The following CSMD1 variants were observed in gnomAD, a reference collection of about 807,000 sequenced individuals.
CSMD1 encodes CUB and Sushi multiple domains 1.
CSMD1 carries 213 observed loss-of-function variants against 417.5 expected under a neutral mutation model. The observed-to-expected ratio is 0.51, with a 90% CI of 0.46 to 0.57. The LOEUF is 0.57. CSMD1 is among the 20% of genes least tolerant of loss of function. The pLI is 0.00. For missense variants in CSMD1, 6,923 were observed against 4,529.7 expected (o/e 1.53, Z -15.17); for synonymous variants, 2,862 against 1,736.8 (o/e 1.65, Z -16.11).
intron 2 of CSMD1, among the ~76,000 whole-genome samples, chr8:4,470,769 T>A (rs1800483502): frequency 6.6e-6 from 1 of 152,228 alleles, no homozygotes; most frequent in African/African-American, 2.4e-5. Context: ...TGGACCCAGA[T>A]TATTTAGACA....
chr8:4,990,414 A>T (rs1811400802), intron 1 of CSMD1, among the ~76,000 whole-genome samples: 1 of 151,664 alleles, frequency 6.6e-6, no homozygotes, highest in Admixed American at 6.6e-5. Context: ...CCCAGGCTGG[A>T]GTGCAATGGC....
intron 1 of CSMD1, among the ~76,000 whole-genome samples, chr8:4,666,964 G>A (rs549263194): frequency 6.6e-6 from 1 of 152,106 alleles, no homozygotes; most frequent in African/African-American, 2.4e-5. Context: ...AAATTTTTAT[G>A]TAATTTTTAT....
At chr8:4,139,117 C>G (rs376499791) in intron 3 of CSMD1, among the ~76,000 whole-genome samples, 2 of 152,146 alleles carry the variant, frequency 1.3e-5, no homozygotes, top group African/African-American at 4.8e-5. Flanking sequence ...ATGAAGACCC[C>G]TGTGATTCTA....
At chr8:4,772,279 G>C (rs1354132010) in intron 1 of CSMD1, among the ~76,000 whole-genome samples, 2 of 152,150 alleles carry the variant, frequency 1.3e-5, no homozygotes, top group African/African-American at 2.4e-5. Flanking sequence ...CAGTGAACCA[G>C]TCCTTTACAC....
chr8:4,878,874 G>C (rs1343897693), intron 1 of CSMD1, among the ~76,000 whole-genome samples: 1 of 151,174 alleles, frequency 6.6e-6, no homozygotes, highest in Non-Finnish European at 1.5e-5. Flanking sequence ...GCAGAACCCA[G>C]ACACACAAAA....
chr8:4,488,622 T>C (rs2130190994), intron 2 of CSMD1, among the ~76,000 whole-genome samples: 1 of 151,992 alleles, frequency 6.6e-6, no homozygotes, highest in Non-Finnish European at 1.5e-5. Flanking sequence ...ATCCAATCTA[T>C]AGCAAAATAC....
chr8:4,101,838 G>A (rs1378679586), intron 3 of CSMD1, among the ~76,000 whole-genome samples: 1 of 149,328 alleles, frequency 6.7e-6, no homozygotes, highest in Non-Finnish European at 1.5e-5. Flanking sequence ...GCACATCTCT[G>A]AATTGAATCT....
chr8:4,818,513 C>A (rs569018282), intron 1 of CSMD1, among the ~76,000 whole-genome samples: 1 of 152,162 alleles, frequency 6.6e-6, no homozygotes, highest in Non-Finnish European at 1.5e-5. Context: ...TAAATACATA[C>A]GTATTAAGAA....
chr8:4,818,910 A>C (rs892655044), intron 1 of CSMD1, among the ~76,000 whole-genome samples: 1 of 152,220 alleles, frequency 6.6e-6, no homozygotes, highest in Non-Finnish European at 1.5e-5. Context: ...TGGTGAGAAC[A>C]AGGTTTGGAA....
intron 5 of CSMD1, among the ~76,000 whole-genome samples, chr8:3,974,390 T>C (rs1056945947): frequency 6.6e-6 from 1 of 151,984 alleles, no homozygotes; most frequent in Non-Finnish European, 1.5e-5. Flanking sequence ...AAGGAGGAAA[T>C]TAAACATGTA....
intron 3 of CSMD1, among the ~76,000 whole-genome samples, chr8:4,042,498 G>A (rs545200170): frequency 4.6e-5 from 7 of 152,066 alleles, no homozygotes; most frequent in Non-Finnish European, 8.8e-5. Context: ...TCAGACATGT[G>A]AAAACTGAAA....
In CSMD1 at chr8:4,994,726, G is replaced by T. The variant is rs976981987; in HGVS notation, c.-310C>A. On this transcript the variant is annotated 5_prime_UTR_variant, in exon 1 of 70. Coordinates refer to ENST00000635120, the MANE Select transcript of CSMD1 (RefSeq NM_033225.6). ...GCACCAAGGCGGCGAGGCTGCGGGA[G>T]GGGGAGAAGCGGGGAGAGGAGCGCG... The T allele has an allele frequency of 2.3e-5, 8 of 341,112 alleles. No individual in the cohort carries two copies. Among genetic ancestry groups the T allele is most frequent in the Admixed American group, 4.8e-5 (1 of 20,676 alleles). 21.1% of individuals were successfully genotyped at this position (341,112 alleles called of 1,614,324 possible).
At position 4,141,508 on chromosome 8, in the gene CSMD1, G is replaced by C. The variant is rs569575843; in HGVS notation, c.416-109409C>G. ...TTTGGTCTTCACAATAATCCTGAGA[G>C]TTATTCGCTACATTTTCACACATGT... On this transcript the variant is annotated intron_variant, in intron 3 of 69. Transcript: ENST00000635120. Among the ~76,000 whole-genome samples the C allele has an allele frequency of 8.6e-5, 13 of 151,186 alleles. No individual in the cohort carries two copies. The South Asian group carries it at 2.5e-3, about 29-fold the overall frequency.
intron 31 of CSMD1, among the ~76,000 whole-genome samples, chr8:3,204,510 T>G (rs1030194289): frequency 6.6e-6 from 1 of 152,156 alleles, no homozygotes; most frequent in Non-Finnish European, 1.5e-5. Context: ...CCATTTTAAG[T>G]ATTACTGCCC....
At chr8:3,792,060 A>G (rs1210595499) in intron 5 of CSMD1, among the ~76,000 whole-genome samples, 1 of 152,140 alleles carries the variant, frequency 6.6e-6, no homozygotes, top group Non-Finnish European at 1.5e-5. Context: ...AAGTTTAACC[A>G]AATCTCTATG....
chr8:4,315,676 A>G (rs1036190966), intron 3 of CSMD1, among the ~76,000 whole-genome samples: 5 of 151,860 alleles, frequency 3.3e-5, no homozygotes, highest in Admixed American at 1.3e-4. Context: ...CATAAATATG[A>G]TGATTATAAA....
At chr8:4,638,361 G>C (rs1156452832) in intron 1 of CSMD1, among the ~76,000 whole-genome samples, 1 of 152,200 alleles carries the variant, frequency 6.6e-6, no homozygotes, top group East Asian at 1.9e-4. Flanking sequence ...GCCAGTGATT[G>C]ATCGGTGCCT....
chr8:3,844,378 T>A (rs115270454), intron 5 of CSMD1, among the ~76,000 whole-genome samples: 2 of 152,124 alleles, frequency 1.3e-5, no homozygotes, highest in Admixed American at 1.3e-4. Context: ...TAGACACACA[T>A]ACACCTCACT....
chr8:4,587,940 G>C (rs890856803), intron 2 of CSMD1, among the ~76,000 whole-genome samples: 2 of 152,222 alleles, frequency 1.3e-5, no homozygotes, highest in African/African-American at 4.8e-5. Flanking sequence ...GATAGAAGGA[G>C]ATTGTGTGTA....
Sources: allele counts gnomAD v4.1 joint callset (sites outside exome capture counted in the v4.1 genomes callset), GRCh38; gene constraint gnomAD v4.1.1; transcripts MANE v1.5; gene names NCBI Gene and HGNC (gene_info 2026-07-23, HGNC 2026-07-21).